Variants in CRY2 observed in about 807,000 individuals in gnomAD.
CRY2 encodes the protein cryptochrome-2.
A neutral mutation model predicts 69.5 loss-of-function variants in CRY2; 31 were observed. That is an observed-to-expected ratio of 0.45 (90% CI 0.34 to 0.60). The LOEUF (loss-of-function observed/expected upper bound fraction) is 0.60. Among genes scored for constraint, CRY2 ranks in the 20% least tolerant of loss-of-function variants. The pLI is 0.02. For synonymous variants in CRY2, 303 were observed against 312.2 expected, an observed-to-expected ratio of 0.97 and a Z score of 0.31; for missense variants, 606 against 797.8, an observed-to-expected ratio of 0.76 and a Z score of 2.90.
intron 6 of CRY2, 134 bp downstream of exon 6, chr11:45,867,886 G>A (rs1210788183): frequency 6.0e-6 from 7 of 1,164,206 alleles, no homozygotes; most frequent in Non-Finnish European, 7.2e-6. Context: ...AGTGTGTGCA[G>A]ATAGTCCGGA....
At chr11:45,878,383 A>G (rs968357624) in intron 11 of CRY2, among the ~76,000 whole-genome samples, 3 of 152,234 alleles carry the variant, frequency 2.0e-5, no homozygotes, top group African/African-American at 7.2e-5. Context: ...GTGTTGGGCA[A>G]GGAGGACCTT....
chr11:45,875,499 G>T (rs1223138384), intron 11 of CRY2, among the ~76,000 whole-genome samples: 2 of 152,232 alleles, frequency 1.3e-5, no homozygotes, highest in African/African-American at 2.4e-5. Context: ...GATTCCAAGG[G>T]AAGACATGAC....
chr11:45,860,783 G>A lies in CRY2; in HGVS notation c.468-65G>A, dbSNP rs139295537. 2.4e-4 allele frequency: 374 copies of A among 1,540,072 alleles called. 2 individuals carry two copies. In the African/African-American group the frequency reaches 4.1e-3, roughly 17 times the overall value. On this transcript the variant is annotated intron_variant, in intron 3 of 11. Coordinates refer to ENST00000616080, the MANE Select transcript of CRY2 (RefSeq NM_021117.5). ...GCCTTCAGAGTCTGGGTTCTTTTTTGGGTGGGCAGGGACCCACATCACAGG... is the reference window on the plus strand; with the variant it reads ...GCCTTCAGAGTCTGGGTTCTTTTTTAGGTGGGCAGGGACCCACATCACAGG...
At chr11:45,872,396 G>T (rs544709012) in intron 11 of CRY2, among the ~76,000 whole-genome samples, 163 bp downstream of exon 11, 1 of 151,960 alleles carries the variant, frequency 6.6e-6, no homozygotes. Flanking sequence ...GTGGCAGCCG[G>T]GTTCCATCCT....
chr11:45,859,631 G>A (rs561890501), intron 3 of CRY2, among the ~76,000 whole-genome samples: 3 of 151,972 alleles, frequency 2.0e-5, no homozygotes, highest in Non-Finnish European at 2.9e-5. Context: ...GCTTGGTGGC[G>A]GGGAGGGCTC....
intron 2 of CRY2, chr11:45,858,349 G>C (rs2086259737): frequency 5.4e-6 from 1 of 185,832 alleles, no homozygotes; most frequent in Admixed American, 5.4e-5. Context: ...AAAGCTTGCT[G>C]AGCAGGCAGA....
intron 2 of CRY2, 55 bp from the exon 3 acceptor site, chr11:45,858,676 G>C (rs1279922991): frequency 1.9e-6 from 3 of 1,562,832 alleles, no homozygotes; most frequent in South Asian, 2.4e-5. Flanking sequence ...TGAGAGTCCA[G>C]CTTCCCCCTC....
intron 3 of CRY2, 47 bp downstream of exon 3, chr11:45,858,920 T>C: frequency 6.3e-7 from 1 of 1,595,312 alleles, no homozygotes; most frequent in Non-Finnish European, 8.5e-7. Context: ...TGAGAGTTAG[T>C]AATTTGGGCC....
At chr11:45,857,631 A>G (rs2134632954) in intron 2 of CRY2, among the ~76,000 whole-genome samples, 1 of 152,354 alleles carries the variant, frequency 6.6e-6, no homozygotes, top group African/African-American at 2.4e-5. Flanking sequence ...AGGCAAGTGT[A>G]TCATTGTCAT....
chr11:45,870,953 C>A lies in CRY2; in HGVS notation c.1642+19C>A. 1 of 1,559,614 alleles carries A rather than the reference C, an allele frequency of 6.4e-7. No individual in the cohort carries two copies. The highest frequency in any genetic ancestry group is 2.3e-5 in the East Asian group (1 of 43,946). On this transcript the variant is annotated intron_variant, in intron 10 of 11. Coordinates refer to ENST00000616080, the MANE Select transcript of CRY2 (RefSeq NM_021117.5). ...AGTGCAGGTGAGCAGCAGCAACCAA[C>A]CTCCTGTGGCCTCCTGTGGCCTGTG...
chr11:45,865,828 C>T (rs1043042108), intron 5 of CRY2, among the ~76,000 whole-genome samples: 1 of 152,178 alleles, frequency 6.6e-6, no homozygotes, highest in Non-Finnish European at 1.5e-5. Flanking sequence ...GGGCTCTGTC[C>T]TCAGAGCAAC....
At position 45,882,140 on chromosome 11, in the gene CRY2, G is replaced by A. The variant is rs923067441; in HGVS notation, c.*1229G>A. On this transcript the variant is annotated 3_prime_UTR_variant, in exon 12 of 12. Coordinates refer to ENST00000616080, the MANE Select transcript of CRY2 (RefSeq NM_021117.5). ...TCCTTGCATTCCAGGAGTGGCCTGT[G>A]CCTCCCACCTCTTCCTTCCCACTGC... 6.5e-5 allele frequency: 10 copies of A among 153,002 alleles called. No homozygotes were observed. Among genetic ancestry groups the A allele is most frequent in the African/African-American group, 2.4e-4 (10 of 41,478 alleles). The allele number at this position is 153,002 out of a possible 1,614,324, so 9.5% of individuals were successfully genotyped here.
intron 10 of CRY2, among the ~76,000 whole-genome samples, chr11:45,871,441 C>A (rs1325206803): frequency 6.6e-6 from 1 of 152,074 alleles, no homozygotes; most frequent in Non-Finnish European, 1.5e-5. Context: ...TAGGATTCAG[C>A]CTTCAGTGCA....
At chr11:45,847,319 T>G, upstream of CRY2, 1 of 1,581,522 alleles carries the variant, frequency 6.3e-7, no homozygotes, top group Non-Finnish European at 8.6e-7. Context: ...CCGGCGCCTC[T>G]GGGCCAATCG....
At position 45,858,998 on chromosome 11, in the gene CRY2, A is replaced by G. The variant is rs531577891; in HGVS notation, c.467+125A>G. 13 of 1,195,832 alleles carry G rather than the reference A, an allele frequency of 1.1e-5. No homozygotes were observed. The South Asian group carries it at 1.7e-4, about 15-fold the overall frequency. The allele number at this position is 1,195,832 out of a possible 1,614,324, so 74.1% of individuals were successfully genotyped here. ...TGACCCAGGAGGCATGGCATCTTCT[A>G]GAAGCTGGAGGAGAATAGGCCAGAG... is the stretch of plus-strand genomic sequence containing the variant. On this transcript the variant is annotated intron_variant, in intron 3 of 11. Coordinates refer to ENST00000616080, the MANE Select transcript of CRY2 (RefSeq NM_021117.5).
At chr11:45,877,358 C>T (rs537081132) in intron 11 of CRY2, among the ~76,000 whole-genome samples, 2 of 152,356 alleles carry the variant, frequency 1.3e-5, no homozygotes, top group African/African-American at 2.4e-5. Context: ...AACAAAGTTT[C>T]CTCCAAACCA....
intron 1 of CRY2, among the ~76,000 whole-genome samples, chr11:45,853,026 T>C (rs2086209323): frequency 6.6e-6 from 1 of 152,220 alleles, no homozygotes; most frequent in Non-Finnish European, 1.5e-5. Context: ...CAGCACAGCC[T>C]CAGTGCTCTG....
At chr11:45,867,048 G>A (rs887406912) in intron 5 of CRY2, among the ~76,000 whole-genome samples, 6 of 152,228 alleles carry the variant, frequency 3.9e-5, no homozygotes, top group African/African-American at 1.4e-4. Flanking sequence ...AACCAGTGAT[G>A]ATAAAAACAT....
In CRY2 at chr11:45,871,973, A is replaced by G. The variant is rs568629762; in HGVS notation, c.1643-119A>G. 19 of 1,386,250 alleles carry G rather than the reference A, an allele frequency of 1.4e-5. No homozygotes were observed. The Admixed American group carries it at 3.6e-4, about 26-fold the overall frequency. 85.9% of individuals were successfully genotyped at this position (1,386,250 alleles called of 1,614,324 possible). A position where few individuals can be genotyped will look rare whatever the true frequency, so the allele number is the denominator to read the frequency against. ...CCGAGGGGCAGGTCTGAGGAGCAGC[A>G]TGCTGGCATTCCATTGATAAGTGTG... On this transcript the variant is annotated intron_variant, in intron 10 of 11. Coordinates refer to ENST00000616080, the MANE Select transcript of CRY2 (RefSeq NM_021117.5).
Sources: allele counts gnomAD v4.1 joint callset (sites outside exome capture counted in the v4.1 genomes callset), GRCh38; gene constraint gnomAD v4.1.1; transcripts MANE v1.5; gene names NCBI Gene and HGNC (gene_info 2026-07-23, HGNC 2026-07-21).